FRMD5: variants seen among roughly 807,000 people sequenced by gnomAD.
The protein encoded by FRMD5 is FERM domain-containing protein 5.
Under a neutral mutation model 69.0 loss-of-function variants are expected in FRMD5, and 20 were observed. That is an observed-to-expected ratio of 0.29 (90% CI 0.20 to 0.42). The LOEUF is 0.42. Among genes scored for constraint, FRMD5 ranks in the 10% least tolerant of loss-of-function variants. The pLI is 1.00. For synonymous variants in FRMD5, 271 were observed against 260.1 expected (o/e 1.04, Z -0.40); for missense variants, 595 against 708.6 (o/e 0.84, Z 1.82).
Position 44,092,927 on chromosome 15 carries a change from C to CTTTTTTT in FRMD5, c.102+102019_102+102025dup, listed in dbSNP as rs3040924. Among the ~76,000 whole-genome samples the CTTTTTTT allele has an allele frequency of 7.6e-5, 6 of 79,418 alleles. 1 individual carries two copies. Among genetic ancestry groups the CTTTTTTT allele is most frequent in the African/African-American group, 2.4e-4 (5 of 21,168 alleles). 52.1% of individuals were successfully genotyped at this position (79,418 alleles called of 152,430 possible). Reference sequence around the variant, plus strand: ...ATTGTATATTTGTTCTATCCTCTGCCTTTTTTTTTTTTTTTTTTTTTTTGA... The same window carrying CTTTTTTT: ...ATTGTATATTTGTTCTATCCTCTGCCTTTTTTTTTTTTTTTTTTTTTTTTTTTTTTGA... On this transcript the variant is annotated intron_variant, in intron 1 of 13. Coordinates refer to ENST00000417257, the MANE Select transcript of FRMD5 (RefSeq NM_032892.5).
chr15:44,048,095 T>G (rs1401856382), intron 1 of FRMD5, among the ~76,000 whole-genome samples: 1 of 152,190 alleles, frequency 6.6e-6, no homozygotes, highest in Non-Finnish European at 1.5e-5. Context: ...CTGGGTCACA[T>G]GGTAACTCTA....
intron 1 of FRMD5, among the ~76,000 whole-genome samples, chr15:43,939,401 T>C (rs2089822537): frequency 6.6e-6 from 1 of 152,144 alleles, no homozygotes; most frequent in Non-Finnish European, 1.5e-5. Context: ...GACATGCATG[T>C]GCCAAAAGAA....
intron 1 of FRMD5, among the ~76,000 whole-genome samples, chr15:44,160,504 C>T (rs1293786100): frequency 1.3e-5 from 2 of 152,176 alleles, no homozygotes; most frequent in Non-Finnish European, 2.9e-5. Flanking sequence ...CTACAGCTTA[C>T]CAGTTTATAA....
At chr15:43,914,723 C>CTTTTTTTTTTTTTTTTTTATTTTTTTTTT (rs2089351435) in intron 4 of FRMD5, among the ~76,000 whole-genome samples, 1 of 109,418 alleles carries the variant, frequency 9.1e-6, no homozygotes. Flanking sequence ...AGGTGACTAC[C>CTTTTTTTTTTTTTTTTTTATTTTTTTTTT]TTTTTTTTTT....
At position 44,126,093 on chromosome 15, in the gene FRMD5, C is replaced by T. The variant is rs148905509; in HGVS notation, c.102+68860G>A. Among the ~76,000 whole-genome samples, 222 of 152,264 alleles carry T rather than the reference C, an allele frequency of 1.5e-3. 1 individual carries two copies. In the East Asian group the frequency reaches 0.038, roughly 26 times the overall value. The stretch of plus-strand genomic sequence containing the variant: ...TGCAATGATTCTGCTGGACAAACAC[C>T]AAAGTCTCATTAAAAATTCACCTCT... On this transcript the variant is annotated intron_variant, in intron 1 of 13. Coordinates refer to ENST00000417257, the MANE Select transcript of FRMD5 (RefSeq NM_032892.5).
chr15:44,195,048 T>G lies in FRMD5; in HGVS notation c.7A>C (p.Ser3Arg). MLSRLMSGSSRSL... is the reference protein window; with the variant it reads MLRRLMSGSSRSL... ...CTGCTGCTGCCGCTCATCAACCTGCTCAGCATCTTCCCGCCCGCCCGCCCG... is the reference window on the plus strand; with the variant it reads ...CTGCTGCTGCCGCTCATCAACCTGCGCAGCATCTTCCCGCCCGCCCGCCCG... The change falls in exon 1 of 14, where the codon AGC (serine) becomes CGC (arginine). Residue 3 changes from serine (S) to arginine (R), a missense_variant. Transcript: ENST00000417257. The G allele has an allele frequency of 6.5e-7, 1 of 1,539,226 alleles. No homozygotes were observed. The highest frequency in any genetic ancestry group is 8.7e-7 in the Non-Finnish European group (1 of 1,148,370).
chr15:43,891,660 C>T (rs939671320), intron 8 of FRMD5, among the ~76,000 whole-genome samples: 2 of 152,168 alleles, frequency 1.3e-5, no homozygotes, highest in African/African-American at 2.4e-5. Flanking sequence ...CAGTGGGTGA[C>T]GGCCCCAAGG....
At chr15:43,984,389 C>A (rs1199140573) in intron 1 of FRMD5, among the ~76,000 whole-genome samples, 1 of 152,202 alleles carries the variant, frequency 6.6e-6, no homozygotes, top group Non-Finnish European at 1.5e-5. Context: ...GATACCTAAG[C>A]CCCCAGTGGA....
At position 43,902,228 on chromosome 15, in the gene FRMD5, A is replaced by C. The variant is rs1375229508; in HGVS notation, c.586T>G (p.Leu196Val). The C allele has an allele frequency of 6.2e-7, 1 of 1,614,146 alleles. No homozygotes were observed. Among genetic ancestry groups the C allele is most frequent in the Non-Finnish European group, 8.5e-7 (1 of 1,179,994 alleles). ...GTTTCCAATGTCTGTGCTTTTCTTAAGAAGTTCAGCTCTGATGTTGCTGGT... is the reference window on the plus strand; with the variant it reads ...GTTTCCAATGTCTGTGCTTTTCTTACGAAGTTCAGCTCTGATGTTGCTGGT... ...QTPATSELNFLRKAQTLETYG... is the reference protein window; with the variant it reads ...QTPATSELNFVRKAQTLETYG... Residue 196 changes from leucine (L) to valine (V), a missense_variant, in exon 7 of 14, where the codon TTA becomes GTA. Transcript: ENST00000417257.
At chr15:43,992,717 C>A (rs931464086) in intron 1 of FRMD5, among the ~76,000 whole-genome samples, 13 of 151,726 alleles carry the variant, frequency 8.6e-5, no homozygotes, top group African/African-American at 2.9e-4. Flanking sequence ...GTCTCCAATT[C>A]TTATTTTATT....
intron 1 of FRMD5, among the ~76,000 whole-genome samples, chr15:43,937,124 A>C (rs1033699402): frequency 6.6e-6 from 1 of 152,202 alleles, no homozygotes; most frequent in Non-Finnish European, 1.5e-5. Context: ...TTTCTATAGG[A>C]AAGTGTTACA....
At position 43,876,108 on chromosome 15, in the gene FRMD5, T is replaced by C. The variant is rs893315650; in HGVS notation, c.1136-1646A>G. ...GGCTTCCATGATTTTGCCATGTTTT[T>C]CCCATAGAATGTGTCTGACCTTTAC... On this transcript the variant is annotated intron_variant, in intron 13 of 13. Transcript: ENST00000417257. 2.5e-5 allele frequency: 36 copies of C among 1,442,554 alleles called. No homozygotes were observed. The East Asian group carries it at 7.0e-4, about 28-fold the overall frequency. The allele number at this position is 1,442,554 out of a possible 1,614,324, so 89.4% of individuals were successfully genotyped here. A position where few individuals can be genotyped will look rare whatever the true frequency, so the allele number is the denominator to read the frequency against.
chr15:44,024,597 T>C (rs1891352130), intron 1 of FRMD5, among the ~76,000 whole-genome samples: 1 of 152,210 alleles, frequency 6.6e-6, no homozygotes, highest in Non-Finnish European at 1.5e-5. Flanking sequence ...TAAGTAAACT[T>C]CCTGTTCATT....
Position 43,872,942 on chromosome 15 carries a change from A to G in FRMD5, c.*943T>C. 2.0e-6 allele frequency: 1 copy of G among 508,992 alleles called. No homozygotes were observed. Among genetic ancestry groups the G allele is most frequent in the Non-Finnish European group, 3.4e-6 (1 of 289,916 alleles). 31.5% of individuals were successfully genotyped at this position (508,992 alleles called of 1,614,324 possible). A position where few individuals can be genotyped will look rare whatever the true frequency, so the allele number is the denominator to read the frequency against. On this transcript the variant is annotated 3_prime_UTR_variant, in exon 14 of 14. Transcript: ENST00000417257. ...TATATAAAATAAGCACTGCTATCCA[A>G]ATCTCAACAGTCTCTCAGGTAACTT...
chr15:43,884,940 G>T, intron 11 of FRMD5, 145 bp from the exon 12 acceptor site: 1 of 658,002 alleles, frequency 1.5e-6, no homozygotes, highest in Non-Finnish European at 2.7e-6. Flanking sequence ...CATGGAGAAA[G>T]GCTTGCTTGG....
intron 1 of FRMD5, among the ~76,000 whole-genome samples, chr15:44,193,521 G>A (rs979248028): frequency 6.6e-6 from 1 of 152,160 alleles, no homozygotes; most frequent in Non-Finnish European, 1.5e-5. Context: ...ATAATACAGA[G>A]CATCTCTCTA....
At chr15:43,943,164 C>T (rs2089889846) in intron 1 of FRMD5, among the ~76,000 whole-genome samples, 1 of 152,180 alleles carries the variant, frequency 6.6e-6, no homozygotes, top group South Asian at 2.1e-4. Flanking sequence ...ATTGCTTGAA[C>T]CCAGGAAGTG....
At position 43,989,212 on chromosome 15, in the gene FRMD5, T is replaced by G. The variant is rs1889546715; in HGVS notation, c.103-64903A>C. 3.7e-6 allele frequency: 3 copies of G among 818,676 alleles called. No individual in the cohort carries two copies. The South Asian group carries it at 4.0e-5, about 11-fold the overall frequency. The allele number at this position is 818,676 out of a possible 1,614,324, so 50.7% of individuals were successfully genotyped here. A position where few individuals can be genotyped will look rare whatever the true frequency, so the allele number is the denominator to read the frequency against. ...CTTGGGAGGAGCAGTGATCTTGATC[T>G]TCATTGTGCTGGGCGCCAGGGTGGT... On this transcript the variant is annotated intron_variant, in intron 1 of 13. Coordinates refer to ENST00000417257, the MANE Select transcript of FRMD5 (RefSeq NM_032892.5).
intron 1 of FRMD5, among the ~76,000 whole-genome samples, chr15:43,958,726 G>A (rs1389137595): frequency 6.6e-6 from 1 of 152,164 alleles, no homozygotes; most frequent in Non-Finnish European, 1.5e-5. Flanking sequence ...GGGGTTACAG[G>A]CGTGAGCCAC....
Sources: allele counts gnomAD v4.1 joint callset (sites outside exome capture counted in the v4.1 genomes callset), GRCh38; gene constraint gnomAD v4.1.1; transcripts MANE v1.5; gene names NCBI Gene and HGNC (gene_info 2026-07-23, HGNC 2026-07-21).